Variants in SLC10A1 observed in about 807,000 individuals in gnomAD.
The protein encoded by SLC10A1 is solute carrier family 10 member 1, also known as hepatic sodium/bile acid cotransporter.
In SLC10A1, 36 loss-of-function variants were observed where a neutral mutation model predicts 20.5. The observed-to-expected ratio is 1.75, with a 90% CI of 1.34 to 2.32. The LOEUF (loss-of-function observed/expected upper bound fraction) is 2.32, where lower values mean the gene tolerates loss of function less well. Ranked by LOEUF, SLC10A1 falls within the 30% of genes most tolerant of loss-of-function variation. The pLI, the probability that SLC10A1 is intolerant of heterozygous loss-of-function variation, is 0.00. For synonymous variants in SLC10A1, 188 were observed against 163.6 expected (o/e 1.15, Z -1.14); for missense variants, 545 against 439.1 (o/e 1.24, Z -2.16).
At chr14:69,782,632 C>A (rs537771664) in intron 2 of SLC10A1, among the ~76,000 whole-genome samples, 1 of 151,992 alleles carries the variant, frequency 6.6e-6, no homozygotes, top group Non-Finnish European at 1.5e-5. Context: ...ACGGTGAAAC[C>A]CCGTCTTTAC....
At chr14:69,782,046 G>A (rs553042907) in intron 2 of SLC10A1, among the ~76,000 whole-genome samples, 9 of 152,320 alleles carry the variant, frequency 5.9e-5, no homozygotes, top group African/African-American at 1.9e-4. Context: ...GGTGACGAAG[G>A]ATGAGCATAG....
intron 2 of SLC10A1, among the ~76,000 whole-genome samples, chr14:69,783,906 G>A (rs573121564): frequency 1.3e-5 from 2 of 152,234 alleles, no homozygotes; most frequent in Non-Finnish European, 2.9e-5. Flanking sequence ...GGGGCAACTG[G>A]GCACACACAC....
At chr14:69,796,689 C>T in intron 1 of SLC10A1, 111 bp downstream of exon 1, 1 of 895,376 alleles carries the variant, frequency 1.1e-6, no homozygotes, top group Non-Finnish European at 1.7e-6. Flanking sequence ...TAGCCTCCAC[C>T]CAGCCTGCAT....
At chr14:69,786,721 A>G (rs1883724928) in intron 1 of SLC10A1, among the ~76,000 whole-genome samples, 1 of 152,212 alleles carries the variant, frequency 6.6e-6, no homozygotes, top group Admixed American at 6.5e-5. Flanking sequence ...AGCCCATTGG[A>G]CCATGGAATG....
chr14:69,793,869 G>A (rs1266268831), intron 1 of SLC10A1, among the ~76,000 whole-genome samples: 3 of 152,236 alleles, frequency 2.0e-5, no homozygotes, highest in Non-Finnish European at 2.9e-5. Context: ...TCTCTTGCCT[G>A]TTTGTCACCT....
chr14:69,788,585 C>T (rs1883776320), intron 1 of SLC10A1, among the ~76,000 whole-genome samples: 1 of 151,032 alleles, frequency 6.6e-6, no homozygotes, highest in Non-Finnish European at 1.5e-5. Flanking sequence ...TGCTCTGTCG[C>T]CCAGGCTGGA....
chr14:69,776,346 G>T lies in SLC10A1; in HGVS notation c.986C>A (p.Thr329Lys). ...GCCATTTCCCAGAGCTCCTGGAATT[G>T]TTTCTTCAGTTGTGGCAGCTGTGTA... ...MIYTAATTEE[T>K]IPGALGNGTY... The change falls in exon 5 of 5, where the codon ACA becomes AAA. Residue 329 changes from threonine to lysine, a missense_variant. Thr to Lys is a moderately conservative substitution (Grantham distance 78). Transcript: ENST00000216540. 3 of 1,613,926 alleles carry T rather than the reference G, an allele frequency of 1.9e-6. No homozygotes were observed. The highest frequency in any genetic ancestry group is 2.5e-6 in the Non-Finnish European group (3 of 1,179,996).
At chr14:69,794,936 C>T (rs929512099) in intron 1 of SLC10A1, among the ~76,000 whole-genome samples, 8 of 152,200 alleles carry the variant, frequency 5.3e-5, no homozygotes, top group East Asian at 1.9e-4. Context: ...ATAGTGGCCA[C>T]TGGCGATGGG....
chr14:69,791,032 A>G (rs944705956), intron 1 of SLC10A1, among the ~76,000 whole-genome samples: 34 of 152,126 alleles, frequency 2.2e-4, no homozygotes, highest in Non-Finnish European at 4.3e-4. Context: ...TCACAAAACT[A>G]GAAAATACTT....
chr14:69,781,706 C>T (rs75335471), intron 2 of SLC10A1, among the ~76,000 whole-genome samples: 7,424 of 152,300 alleles, frequency 0.049, 254 homozygotes, highest in Non-Finnish European at 0.077. Flanking sequence ...GTGAAAGTGG[C>T]TCCTGGACCA....
At chr14:69,792,534 T>C (rs1882295095) in intron 1 of SLC10A1, among the ~76,000 whole-genome samples, 1 of 152,138 alleles carries the variant, frequency 6.6e-6, no homozygotes, top group Non-Finnish European at 1.5e-5. Flanking sequence ...TTAAAAAGTC[T>C]GACAATTCCA....
intron 2 of SLC10A1, among the ~76,000 whole-genome samples, chr14:69,783,420 C>T (rs1023444793): frequency 6.6e-5 from 10 of 152,108 alleles, no homozygotes; most frequent in Non-Finnish European, 1.0e-4. Context: ...CTTACTCAGG[C>T]TTAGGAGGTT....
chr14:69,796,966 C>T lies in SLC10A1; in HGVS notation c.190G>A (p.Ala64Thr), dbSNP rs202018997. 9.0e-5 allele frequency: 145 copies of T among 1,614,182 alleles called. 1 individual carries two copies. In the East Asian group the frequency reaches 2.3e-3, roughly 26 times the overall value. ...ATGATGCCATACTGTGCCACCAGGG[C>T]GATGGCCAGCCCTTTAGGCTTCCAT... The part of the protein sequence containing the change: ...HLWKPKGLAI[A>T]LVAQYGIMPL... Residue 64 changes from alanine to threonine, a missense_variant, in exon 1 of 5, where the codon GCC (alanine) becomes ACC (threonine). By Grantham distance (58) the Ala-to-Thr change is moderately conservative (BLOSUM62 0). Transcript: ENST00000216540.
At chr14:69,787,892 C>A (rs796614725) in intron 1 of SLC10A1, among the ~76,000 whole-genome samples, 2 of 151,942 alleles carry the variant, frequency 1.3e-5, no homozygotes, top group South Asian at 4.2e-4. Flanking sequence ...ACAAACAAAC[C>A]AAAAACCACA....
intron 2 of SLC10A1, among the ~76,000 whole-genome samples, chr14:69,780,686 C>T (rs868100330): frequency 6.6e-6 from 1 of 152,154 alleles, no homozygotes; most frequent in Non-Finnish European, 1.5e-5. Context: ...ATCACCTATA[C>T]CAATTAGTGG....
chr14:69,787,434 G>T (rs1367230840), intron 1 of SLC10A1, among the ~76,000 whole-genome samples: 1 of 151,878 alleles, frequency 6.6e-6, no homozygotes, highest in Non-Finnish European at 1.5e-5. Context: ...GGGAGGTGAG[G>T]GCTTGGCAAG....
At chr14:69,788,547 C>CT (rs773705243) in intron 1 of SLC10A1, among the ~76,000 whole-genome samples, 5,220 of 142,098 alleles carry the variant, frequency 0.037, 269 homozygotes, top group East Asian at 0.11. Flanking sequence ...ATGAAGAACT[C>CT]TTTTTTTTTT....
chr14:69,797,118 G>A lies in SLC10A1; in HGVS notation c.38C>T (p.Thr13Ile). ...GCGCTTGCCAAAGTTGGGTGGCAGGGTGAAGTTGAATGGGGCAGACGCGTT... is the reference window on the plus strand; with the variant it reads ...GCGCTTGCCAAAGTTGGGTGGCAGGATGAAGTTGAATGGGGCAGACGCGTT... ...AHNASAPFNF[T>I]LPPNFGKRPT... Residue 13 changes from threonine to isoleucine, a missense_variant, in exon 1 of 5, where the codon ACC becomes ATC. Coordinates refer to ENST00000216540, the MANE Select transcript of SLC10A1 (RefSeq NM_003049.4). 6.2e-7 allele frequency: 1 copy of A among 1,613,844 alleles called. No individual in the cohort carries two copies. Among genetic ancestry groups the A allele is most frequent in the Admixed American group, 1.7e-5 (1 of 60,020 alleles).
Position 69,796,813 on chromosome 14 carries a change from C to T in SLC10A1, c.343G>A (p.Asp115Asn), listed in dbSNP as rs138880008. Residue 115 changes from aspartate to asparagine, a missense_variant, in exon 1 of 5, where the codon GAC (aspartate) becomes AAC (asparagine). By Grantham distance (23) the Asp-to-Asn change is conservative. Coordinates refer to ENST00000216540, the MANE Select transcript of SLC10A1 (RefSeq NM_003049.4). ...SNVFSLAMKG[D>N]MNLSIVMTTC... ...CCCCAGGCCTACCTGAGGTTCATGT[C>T]CCCCTTCATGGCCAGACTGAAGACA... 9.3e-6 allele frequency: 15 copies of T among 1,613,454 alleles called. No homozygotes were observed. The Admixed American group carries it at 1.5e-4, about 16-fold the overall frequency.
Sources: allele counts gnomAD v4.1 joint callset (sites outside exome capture counted in the v4.1 genomes callset), GRCh38; gene constraint gnomAD v4.1.1; transcripts MANE v1.5; gene names NCBI Gene and HGNC (gene_info 2026-07-23, HGNC 2026-07-21).